The following ZMAT4 variants were observed in gnomAD, a reference collection of about 807,000 sequenced individuals.
The protein encoded by ZMAT4 is zinc finger matrin-type 4, also known as zinc finger matrin-type protein 4.
A neutral mutation model predicts 28.7 loss-of-function variants in ZMAT4; 17 were observed. That is an observed-to-expected ratio of 0.59 (90% CI 0.41 to 0.89). ZMAT4 has a LOEUF of 0.89. ZMAT4 is among the 40% of genes least tolerant of loss of function. The pLI is 0.00. For missense variants in ZMAT4, 240 were observed against 283.8 expected, an observed-to-expected ratio of 0.85 and a Z score of 1.11; for synonymous variants, 117 against 109.2, an observed-to-expected ratio of 1.07 and a Z score of -0.44.
intron 5 of ZMAT4, among the ~76,000 whole-genome samples, chr8:40,661,724 G>T (rs1249723871): frequency 6.6e-6 from 1 of 152,180 alleles, no homozygotes; most frequent in Non-Finnish European, 1.5e-5. Context: ...CCACAAAAAA[G>T]CCCACAGCTT....
At chr8:40,665,260 C>A (rs1457270867) in intron 5 of ZMAT4, among the ~76,000 whole-genome samples, 1 of 107,450 alleles carries the variant, frequency 9.3e-6, no homozygotes, top group Non-Finnish European at 2.2e-5. Flanking sequence ...AAATGTAAAG[C>A]CTCTCAACCA....
Position 40,530,611 on chromosome 8 carries a change from T to C in ZMAT4, c.*1612A>G, listed in dbSNP as rs1322613163. The C allele has an allele frequency of 6.6e-6, 1 of 152,646 alleles. No individual in the cohort carries two copies. The highest frequency in any genetic ancestry group is 2.4e-5 in the African/African-American group (1 of 41,438). The allele number at this position is 152,646 out of a possible 1,614,324, so 9.5% of individuals were successfully genotyped here. Reference sequence around the variant, plus strand: ...AGTGTTTTGTTGTTGCTGCTGTTTTTACTCGGACAATGCTTATTTTACAGC... The same window carrying C: ...AGTGTTTTGTTGTTGCTGCTGTTTTCACTCGGACAATGCTTATTTTACAGC... On this transcript the variant is annotated 3_prime_UTR_variant, in exon 7 of 7. Transcript: ENST00000297737.
intron 5 of ZMAT4, among the ~76,000 whole-genome samples, chr8:40,669,252 G>A (rs754411708): frequency 6.6e-6 from 1 of 152,124 alleles, no homozygotes; most frequent in African/African-American, 2.4e-5. Flanking sequence ...AGACAATCTG[G>A]CAGAAGGGGT....
intron 5 of ZMAT4, among the ~76,000 whole-genome samples, chr8:40,589,732 C>CTTT (rs141826061): frequency 2.5e-3 from 87 of 34,186 alleles, no homozygotes; most frequent in African/African-American, 3.3e-3. Flanking sequence ...TCTTCCTTTC[C>CTTT]TTTCTTTCTT....
At chr8:40,704,107 T>C (rs1241236730) in intron 3 of ZMAT4, among the ~76,000 whole-genome samples, 1 of 152,220 alleles carries the variant, frequency 6.6e-6, no homozygotes, top group Non-Finnish European at 1.5e-5. Context: ...GACGCAGAAA[T>C]AACTGCACCT....
chr8:40,697,603 A>C (rs1187548856), intron 3 of ZMAT4, among the ~76,000 whole-genome samples: 1 of 152,066 alleles, frequency 6.6e-6, no homozygotes, highest in African/African-American at 2.4e-5. Context: ...ATACATGTGC[A>C]GAAAGTGCAG....
intron 4 of ZMAT4, among the ~76,000 whole-genome samples, chr8:40,695,476 A>T (rs1000718602): frequency 6.6e-6 from 1 of 152,224 alleles, no homozygotes; most frequent in African/African-American, 2.4e-5. Context: ...AACCTGAGCC[A>T]TAGCTTTCGG....
intron 6 of ZMAT4, among the ~76,000 whole-genome samples, chr8:40,550,407 G>T (rs1193573760): frequency 6.6e-6 from 1 of 152,116 alleles, no homozygotes; most frequent in African/African-American, 2.4e-5. Context: ...ATTCCTGCAT[G>T]TTTAATTCTG....
chr8:40,578,236 C>T (rs1804333256), intron 6 of ZMAT4, among the ~76,000 whole-genome samples: 1 of 151,964 alleles, frequency 6.6e-6, no homozygotes, highest in Non-Finnish European at 1.5e-5. Flanking sequence ...GTATGTAAAT[C>T]ACCTGATTTA....
At chr8:40,695,203 C>A (rs1809827321) in intron 4 of ZMAT4, among the ~76,000 whole-genome samples, 1 of 152,188 alleles carries the variant, frequency 6.6e-6, no homozygotes, top group South Asian at 2.1e-4. Context: ...GTCTTTTCTC[C>A]TATTGACCAA....
chr8:40,771,026 T>A (rs1813367783), intron 2 of ZMAT4, among the ~76,000 whole-genome samples: 1 of 152,044 alleles, frequency 6.6e-6, no homozygotes, highest in African/African-American at 2.4e-5. Flanking sequence ...AACAAAGATA[T>A]CCATTGCCGC....
intron 5 of ZMAT4, among the ~76,000 whole-genome samples, chr8:40,610,945 T>C (rs914315065): frequency 1.3e-5 from 2 of 151,966 alleles, no homozygotes; most frequent in Admixed American, 6.5e-5. Context: ...GCATTTTTTT[T>C]TTTTTGGTTT....
intron 5 of ZMAT4, among the ~76,000 whole-genome samples, chr8:40,649,265 G>T (rs1272739314): frequency 6.6e-6 from 1 of 151,928 alleles, no homozygotes; most frequent in Admixed American, 6.6e-5. Context: ...AAAAGGCAGG[G>T]GTTGCAATCC....
intron 1 of ZMAT4, among the ~76,000 whole-genome samples, chr8:40,839,903 A>G (rs1481387043): frequency 6.6e-6 from 1 of 152,236 alleles, no homozygotes; most frequent in East Asian, 1.9e-4. Context: ...CATGTAACAA[A>G]ACTGTGCATG....
rs189659556 is a variant in ZMAT4 at position 40,892,572 on chromosome 8, T to C, written c.-5+5111A>G. Among the ~76,000 whole-genome samples, 121 of 152,286 alleles carry C rather than the reference T, an allele frequency of 7.9e-4. No homozygotes were observed. The South Asian group carries it at 8.7e-3, about 11-fold the overall frequency. On this transcript the variant is annotated intron_variant, in intron 1 of 6. Transcript: ENST00000297737. ...AAATTAGGAGCCTAGAGAAAGCAAA[T>C]GGTCTATTCAATTTGGAAACAAGAA...
chr8:40,618,602 A>T (rs966583333), intron 5 of ZMAT4, among the ~76,000 whole-genome samples: 1 of 152,156 alleles, frequency 6.6e-6, no homozygotes, highest in Non-Finnish European at 1.5e-5. Flanking sequence ...TGTTTAATGT[A>T]AAAATTGAAA....
At chr8:40,542,206 G>C (rs1295918914) in intron 6 of ZMAT4, among the ~76,000 whole-genome samples, 1 of 152,138 alleles carries the variant, frequency 6.6e-6, no homozygotes, top group East Asian at 1.9e-4. Context: ...CCTGCTTGCA[G>C]AAGGAACATG....
At chr8:40,804,702 G>A (rs1481968829) in intron 2 of ZMAT4, among the ~76,000 whole-genome samples, 1 of 152,006 alleles carries the variant, frequency 6.6e-6, no homozygotes, top group African/African-American at 2.4e-5. Context: ...TTAGCTGGGT[G>A]TGGTGGCGCA....
intron 6 of ZMAT4, among the ~76,000 whole-genome samples, chr8:40,545,136 C>T (rs898270931): frequency 2.6e-5 from 4 of 152,006 alleles, no homozygotes; most frequent in African/African-American, 9.7e-5. Flanking sequence ...TCCAACAACC[C>T]ACAAGGAACC....
Sources: gnomAD v4.1 joint callset for allele counts (sites outside exome capture counted in the v4.1 genomes callset) on GRCh38, gnomAD v4.1.1 for gene constraint, MANE v1.5 for transcripts, NCBI Gene and HGNC (gene_info 2026-07-23, HGNC 2026-07-21) for gene names.